Variants in KCNK10 observed in about 807,000 individuals in gnomAD.
KCNK10 encodes potassium two pore domain channel subfamily K member 10.
Under a neutral mutation model 47.7 loss-of-function variants are expected in KCNK10, and 25 were observed. The ratio of observed to expected loss-of-function variants is 0.52; its 90% CI spans 0.38 to 0.73. The LOEUF (loss-of-function observed/expected upper bound fraction) is 0.73, where lower values mean the gene tolerates loss of function less well. Among genes scored for constraint, KCNK10 ranks in the 30% least tolerant of loss-of-function variants. The probability of loss-of-function intolerance (pLI) is 0.00; values close to 1 mark genes in which losing one functional copy is unlikely to be tolerated. For missense variants in KCNK10, 563 were observed against 714.5 expected (o/e 0.79, Z 2.42); for synonymous variants, 303 against 285.6 (o/e 1.06, Z -0.61).
At chr14:88,307,149 C>G (rs148450952) in intron 1 of KCNK10, among the ~76,000 whole-genome samples, 68 of 152,308 alleles carry the variant, frequency 4.5e-4, no homozygotes, top group Non-Finnish European at 9.3e-4. Context: ...CCAGCTCAAG[C>G]GCTTTCAAGA....
chr14:88,309,269 T>C (rs1475326974), intron 1 of KCNK10, among the ~76,000 whole-genome samples: 1 of 152,240 alleles, frequency 6.6e-6, no homozygotes, highest in Admixed American at 6.5e-5. Flanking sequence ...CCTACTGCTC[T>C]TTCTCGATTC....
At chr14:88,247,089 A>G (rs1886665186) in intron 2 of KCNK10, among the ~76,000 whole-genome samples, 1 of 152,162 alleles carries the variant, frequency 6.6e-6, no homozygotes. Context: ...GCTAGCAAAC[A>G]ATGCTCTTAG....
intron 1 of KCNK10, among the ~76,000 whole-genome samples, chr14:88,311,490 T>C (rs1380030593): frequency 2.0e-5 from 3 of 152,188 alleles, no homozygotes; most frequent in East Asian, 1.9e-4. Context: ...CTCTCTTTCC[T>C]GTGCCTCATT....
At chr14:88,276,820 C>G (rs1887535418) in intron 1 of KCNK10, among the ~76,000 whole-genome samples, 1 of 152,384 alleles carries the variant, frequency 6.6e-6, no homozygotes, top group East Asian at 1.9e-4. Flanking sequence ...CCATGGCAGT[C>G]CTGCCCTCTT....
chr14:88,186,137 G>A lies in KCNK10; in HGVS notation c.1030C>T (p.His344Tyr), dbSNP rs1415027613. 6.3e-7 allele frequency: 1 copy of A among 1,591,188 alleles called. No homozygotes were observed. The part of the protein sequence containing the change: ...TKEEVGEIKA[H>Y]AAEWKANVTA... ...ACATTGGCCTTCCACTCTGCCGCAT[G>A]GGCCTTGATTTCACCCACCTGGCCA... Residue 344 changes from histidine (H) to tyrosine (Y), a missense_variant, in exon 7 of 7, where the codon CAT becomes TAT. Transcript: ENST00000319231. The surrounding 1 kb of genome is among the most constrained non-coding windows in gnomAD (Gnocchi z 5.5).
chr14:88,241,384 G>A (rs1310430556), intron 2 of KCNK10, among the ~76,000 whole-genome samples: 1 of 152,150 alleles, frequency 6.6e-6, no homozygotes, highest in Non-Finnish European at 1.5e-5. Flanking sequence ...CAGGGTTGTT[G>A]TGAGGATTAA....
chr14:88,192,451 T>G (rs771734604), intron 4 of KCNK10, 41 bp from the exon 5 acceptor site: 2 of 1,555,114 alleles, frequency 1.3e-6, no homozygotes, highest in East Asian at 4.5e-5. Context: ...GTCAGCGGCA[T>G]CACCCTGGAT....
intron 5 of KCNK10, among the ~76,000 whole-genome samples, chr14:88,189,403 T>C (rs1884677969): frequency 6.6e-6 from 1 of 152,182 alleles, no homozygotes; most frequent in South Asian, 2.1e-4. Flanking sequence ...CACCAGTAAG[T>C]GGTTTTTGAG....
At chr14:88,257,267 G>A (rs1050524496) in intron 2 of KCNK10, among the ~76,000 whole-genome samples, 11 of 152,014 alleles carry the variant, frequency 7.2e-5, no homozygotes, top group African/African-American at 9.6e-5. Flanking sequence ...TCCAAGCCTC[G>A]CTTAAAGCTT....
intron 4 of KCNK10, among the ~76,000 whole-genome samples, chr14:88,198,642 C>T (rs548175325): frequency 1.2e-4 from 19 of 152,230 alleles, no homozygotes; most frequent in African/African-American, 3.9e-4. Context: ...GCTCATTTTC[C>T]GCCCCAGTGC....
At position 88,323,206 on chromosome 14, in the gene KCNK10, G is replaced by T; in HGVS notation, c.-408C>A. ...CCACTGCAGTGTCACTCCAGCCCCC[G>T]AAGGCGTGTGCGCACACACTCCCGC... is the stretch of plus-strand genomic sequence containing the variant. On this transcript the variant is annotated 5_prime_UTR_variant, in exon 1 of 7. Coordinates refer to ENST00000319231, the MANE Select transcript of KCNK10 (RefSeq NM_138317.3). 8.7e-6 allele frequency: 9 copies of T among 1,037,726 alleles called. No individual in the cohort carries two copies. The highest frequency in any genetic ancestry group is 1.0e-5 in the Non-Finnish European group (9 of 861,304). The allele number at this position is 1,037,726 out of a possible 1,614,324, so 64.3% of individuals were successfully genotyped here.
At chr14:88,302,129 G>C (rs945780788) in intron 1 of KCNK10, among the ~76,000 whole-genome samples, 3 of 152,162 alleles carry the variant, frequency 2.0e-5, no homozygotes, top group Non-Finnish European at 4.4e-5. Flanking sequence ...GGGAAACAGA[G>C]GACTCATGCA....
At position 88,304,114 on chromosome 14, in the gene KCNK10, G is replaced by A. The variant is rs113625076; in HGVS notation, c.52+18633C>T. Among the ~76,000 whole-genome samples, 339 of 152,158 alleles carry A rather than the reference G, an allele frequency of 2.2e-3. 1 individual carries two copies. The highest frequency in any genetic ancestry group is 3.7e-3 in the Non-Finnish European group (252 of 67,990). On this transcript the variant is annotated intron_variant, in intron 1 of 6. Coordinates refer to ENST00000319231, the MANE Select transcript of KCNK10 (RefSeq NM_138317.3). ...GGGGATGGCTTGAAAACAGGAGTTG[G>A]AGACCAGCCTGGGCAACATAGGGAG...
At chr14:88,265,186 AC>A (rs2139756309) in intron 1 of KCNK10, among the ~76,000 whole-genome samples, 1 of 152,364 alleles carries the variant, frequency 6.6e-6, no homozygotes, top group Admixed American at 6.5e-5. Context: ...AAAGAGGTCC[AC>A]ATCCTAATCC....
At chr14:88,292,440 C>T (rs927990178) in intron 1 of KCNK10, among the ~76,000 whole-genome samples, 2 of 152,044 alleles carry the variant, frequency 1.3e-5, no homozygotes, top group African/African-American at 4.8e-5. Context: ...AACTCTGCCT[C>T]CCGGGTTCAA....
chr14:88,294,795 T>C (rs552782537), intron 1 of KCNK10, among the ~76,000 whole-genome samples: 8 of 152,276 alleles, frequency 5.3e-5, no homozygotes, highest in African/African-American at 1.9e-4. Flanking sequence ...TTAAATTTAA[T>C]ATGCTACTTC....
Position 88,266,959 on chromosome 14 carries a change from G to A in KCNK10, c.53-3408C>T, listed in dbSNP as rs1021858617. Among the ~76,000 whole-genome samples, 6 of 152,302 alleles carry A rather than the reference G, an allele frequency of 3.9e-5. No individual in the cohort carries two copies. In the East Asian group the frequency reaches 9.7e-4, roughly 25 times the overall value. On this transcript the variant is annotated intron_variant, in intron 1 of 6. Coordinates refer to ENST00000319231, the MANE Select transcript of KCNK10 (RefSeq NM_138317.3). ...AGGCCAGGTCCTGGTGCCAGTTTGC[G>A]AAGAGACTGTCCATTAGGGCAGAGT...
At position 88,322,045 on chromosome 14, in the gene KCNK10, C is replaced by G. The variant is rs750597693; in HGVS notation, c.52+702G>C. The stretch of plus-strand genomic sequence containing the variant: ...CGTGGATGAAACCTGGTCCAACATT[C>G]GTAAAAGCATGCAAACCACACCATT... On this transcript the variant is annotated intron_variant, in intron 1 of 6. Transcript: ENST00000319231. The surrounding 1 kb of genome is among the most constrained non-coding windows in gnomAD (Gnocchi z 4.8). Among the ~76,000 whole-genome samples the G allele has an allele frequency of 2.0e-5, 3 of 152,194 alleles. No homozygotes were observed. The highest frequency in any genetic ancestry group is 2.9e-5 in the Non-Finnish European group (2 of 68,042).
At chr14:88,223,001 A>C (rs1433526656) in intron 4 of KCNK10, among the ~76,000 whole-genome samples, 1 of 152,186 alleles carries the variant, frequency 6.6e-6, no homozygotes, top group Non-Finnish European at 1.5e-5. Flanking sequence ...GGAGTATGAA[A>C]ATTGTCAGAA....
Sources: gnomAD v4.1 joint callset for allele counts (sites outside exome capture counted in the v4.1 genomes callset) on GRCh38, gnomAD v4.1.1 for gene constraint, Gnocchi (gnomAD v3.1) non-coding constraint, MANE v1.5 for transcripts, NCBI Gene and HGNC (gene_info 2026-07-23, HGNC 2026-07-21) for gene names.